CAMTA1: variants seen among roughly 807,000 people sequenced by gnomAD.
CAMTA1 encodes calmodulin-binding transcription activator 1.
In CAMTA1, 27 loss-of-function variants were observed where a neutral mutation model predicts 170.9. The observed-to-expected ratio is 0.16, with a 90% CI of 0.12 to 0.22. CAMTA1 has a LOEUF of 0.22. Ranked by LOEUF, CAMTA1 falls within the 10% of genes least tolerant of loss-of-function variation. The pLI is 1.00. For missense variants in CAMTA1, 1,619 were observed against 2,217.2 expected, an observed-to-expected ratio of 0.73 and a Z score of 5.42; for synonymous variants, 833 against 891.5, an observed-to-expected ratio of 0.93 and a Z score of 1.17.
At chr1:7,718,692 A>C (rs1466985295) in intron 11 of CAMTA1, among the ~76,000 whole-genome samples, 5 of 150,662 alleles carry the variant, frequency 3.3e-5, no homozygotes, top group African/African-American at 1.2e-4. Flanking sequence ...CGAGTAGCTG[A>C]GAATACGGGC....
chr1:7,525,479 T>C (rs961585203), intron 6 of CAMTA1, among the ~76,000 whole-genome samples: 1 of 152,108 alleles, frequency 6.6e-6, no homozygotes, highest in Non-Finnish European at 1.5e-5. Context: ...AATTTCTTTA[T>C]ATGCAAATCT....
rs1299212123 is a variant in CAMTA1, at chr1:7,333,302, G to A, written c.438+83676G>A. 1.3e-5 allele frequency among the ~76,000 whole-genome samples: 2 copies of A among 152,200 alleles called. No individual in the cohort carries two copies. Among genetic ancestry groups the A allele is most frequent in the Non-Finnish European group, 2.9e-5 (2 of 68,040 alleles). ...CTGCAAGCTTTGGCAATTGACATGAGTTGAACCTAGTTGTCATTCCTGCCG... is the reference window on the plus strand; with the variant it reads ...CTGCAAGCTTTGGCAATTGACATGAATTGAACCTAGTTGTCATTCCTGCCG... On this transcript the variant is annotated intron_variant, in intron 5 of 22. Transcript: ENST00000303635. The surrounding 1 kb of genome is among the most constrained non-coding windows in gnomAD (Gnocchi z 4.4).
intron 6 of CAMTA1, among the ~76,000 whole-genome samples, chr1:7,549,051 T>C (rs1394863673): frequency 7.1e-6 from 1 of 141,332 alleles, no homozygotes; most frequent in Non-Finnish European, 1.6e-5. Flanking sequence ...AGGTGCCCCC[T>C]TAGGGGTGGA....
In CAMTA1 at chr1:7,585,743, A is replaced by G. The variant is rs969561098; in HGVS notation, c.511-54657A>G. On this transcript the variant is annotated intron_variant, in intron 6 of 22. Transcript: ENST00000303635. This position sits in a 1 kb window ranked among gnomAD's most constrained non-coding sequence, Gnocchi z 4.8. ...GCGGGGTGCCCAGTTCATACATCCT[A>G]GAGGGGGGCTCTCTTGTGGACAGAC... Among the ~76,000 whole-genome samples the G allele has an allele frequency of 1.3e-5, 2 of 150,912 alleles. No individual in the cohort carries two copies. Among genetic ancestry groups the G allele is most frequent in the East Asian group, 3.9e-4 (2 of 5,164 alleles).
At chr1:7,549,514 T>G (rs2094769899) in intron 6 of CAMTA1, among the ~76,000 whole-genome samples, 1 of 152,122 alleles carries the variant, frequency 6.6e-6, no homozygotes, top group Admixed American at 6.5e-5. Context: ...TCATTTCCTC[T>G]CCAATGCCCT....
At chr1:7,122,427 G>A (rs2148467900) in intron 4 of CAMTA1, among the ~76,000 whole-genome samples, 1 of 152,134 alleles carries the variant, frequency 6.6e-6, no homozygotes, top group African/African-American at 2.4e-5. Context: ...GGGGGTGCCT[G>A]GCGATCAGAG....
intron 6 of CAMTA1, among the ~76,000 whole-genome samples, chr1:7,610,354 G>A (rs72630513): frequency 0.13 from 20,421 of 152,128 alleles, 1,465 homozygotes; most frequent in African/African-American, 0.15. Context: ...CCTGGCTCCT[G>A]CACATTGTGC....
chr1:7,728,115 A>G lies in CAMTA1; in HGVS notation c.2915-4333A>G, dbSNP rs933025510. Among the ~76,000 whole-genome samples, 4 of 152,230 alleles carry G rather than the reference A, an allele frequency of 2.6e-5. No homozygotes were observed. In the East Asian group the frequency reaches 7.7e-4, roughly 29 times the overall value. On this transcript the variant is annotated intron_variant, in intron 11 of 22. Transcript: ENST00000303635. ...GTGCTTCTCAGAGCAGCTTAATATC[A>G]TGCACTCATGGCATAGCAACAGGGA... is the stretch of plus-strand genomic sequence containing the variant.
In CAMTA1 at chr1:7,430,307, G is replaced by T. The variant is rs1002688963; in HGVS notation, c.439-37523G>T. On this transcript the variant is annotated intron_variant, in intron 5 of 22. Coordinates refer to ENST00000303635, the MANE Select transcript of CAMTA1 (RefSeq NM_015215.4). ...GGATGATGGAGATGTTGGTAGAGGT[G>T]CTGCTGCTGCTGATGGCAGTGGTGA... 2.1e-4 allele frequency among the ~76,000 whole-genome samples: 32 copies of T among 151,978 alleles called. 1 individual carries two copies. Among genetic ancestry groups the T allele is most frequent in the African/African-American group, 7.5e-4 (31 of 41,362 alleles).
intron 5 of CAMTA1, among the ~76,000 whole-genome samples, chr1:7,306,492 G>C (rs1377649341): frequency 6.6e-6 from 1 of 151,626 alleles, no homozygotes; most frequent in East Asian, 1.9e-4. Context: ...ATTCATTTTT[G>C]TGCCTATCAC....
At chr1:6,861,872 C>T (rs1366681698) in intron 3 of CAMTA1, among the ~76,000 whole-genome samples, 1 of 152,124 alleles carries the variant, frequency 6.6e-6, no homozygotes, top group East Asian at 1.9e-4. Flanking sequence ...ATTCTCCCTA[C>T]CCCTCGCCCC....
intron 2 of CAMTA1, 87 bp from the exon 3 acceptor site, chr1:6,825,005 T>C (rs1646947069): frequency 2.8e-6 from 2 of 717,100 alleles, no homozygotes; most frequent in South Asian, 4.0e-5. Flanking sequence ...TTGACTAAAC[T>C]GAGCTGCTAT....
intron 5 of CAMTA1, among the ~76,000 whole-genome samples, chr1:7,257,483 G>A (rs190636271): frequency 0.014 from 2,108 of 152,254 alleles, 47 homozygotes; most frequent in African/African-American, 0.041. Context: ...GGAATAACAA[G>A]TTGTTTATCT....
rs561683488 is a variant in CAMTA1 at position 7,265,563 on chromosome 1, C to T, written c.438+15937C>T. On this transcript the variant is annotated intron_variant, in intron 5 of 22. Transcript: ENST00000303635. The stretch of plus-strand genomic sequence containing the variant: ...TCCTGACCTCAAGTGATCTGCCCAC[C>T]TTGGCCTCCTAAAGTGCTGGGATTA... Among the ~76,000 whole-genome samples the T allele has an allele frequency of 2.0e-5, 3 of 152,308 alleles. No homozygotes were observed. In the South Asian group the frequency reaches 6.2e-4, roughly 32 times the overall value.
At chr1:7,522,514 AG>A in intron 6 of CAMTA1, among the ~76,000 whole-genome samples, 1 of 152,322 alleles carries the variant, frequency 6.6e-6, no homozygotes, top group Middle Eastern at 3.4e-3. Flanking sequence ...GTCCAGTTTT[AG>A]CATTTTCCAT....
intron 7 of CAMTA1, among the ~76,000 whole-genome samples, chr1:7,655,531 C>CCT (rs139287134): frequency 0.68 from 100,865 of 149,192 alleles, 34,321 homozygotes; most frequent in East Asian, 0.91. Flanking sequence ...CACCCACACA[C>CCT]ATACACACTG....
At chr1:6,996,686 A>G (rs1697303833) in intron 3 of CAMTA1, among the ~76,000 whole-genome samples, 1 of 116,046 alleles carries the variant, frequency 8.6e-6, no homozygotes, top group African/African-American at 2.9e-5. Flanking sequence ...GCTATTTAAA[A>G]AAAAAAGAAA....
At chr1:7,256,289 G>T (rs554586771) in intron 5 of CAMTA1, among the ~76,000 whole-genome samples, 59 of 152,090 alleles carry the variant, frequency 3.9e-4, no homozygotes, top group Admixed American at 1.8e-3. Flanking sequence ...GCCGGGCACG[G>T]TGGCTCATGC....
chr1:6,852,286 C>G (rs901222736), intron 3 of CAMTA1, among the ~76,000 whole-genome samples: 4 of 152,150 alleles, frequency 2.6e-5, no homozygotes, highest in Admixed American at 6.5e-5. Flanking sequence ...CTTCTACACT[C>G]ACAAAACTTC....
Sources: gnomAD v4.1 joint callset for allele counts (sites outside exome capture counted in the v4.1 genomes callset) on GRCh38, gnomAD v4.1.1 for gene constraint, Gnocchi (gnomAD v3.1) non-coding constraint, MANE v1.5 for transcripts, NCBI Gene and HGNC (gene_info 2026-07-23, HGNC 2026-07-21) for gene names.